KLHL29: variants seen among roughly 807,000 people sequenced by gnomAD.
KLHL29 encodes the protein kelch like family member 29.
Under a neutral mutation model 80.4 loss-of-function variants are expected in KLHL29, and 21 were observed. The observed-to-expected ratio is 0.26, with a 90% CI of 0.19 to 0.38. The LOEUF (loss-of-function observed/expected upper bound fraction) is 0.38, where lower values mean the gene tolerates loss of function less well. Ranked by LOEUF, KLHL29 falls within the 10% of genes least tolerant of loss-of-function variation. The probability of loss-of-function intolerance (pLI) is 1.00; values close to 1 mark genes in which losing one functional copy is unlikely to be tolerated. For synonymous variants in KLHL29, 511 were observed against 526.8 expected, an observed-to-expected ratio of 0.97 and a Z score of 0.41; for missense variants, 867 against 1,223.9, an observed-to-expected ratio of 0.71 and a Z score of 4.35.
intron 3 of KLHL29, among the ~76,000 whole-genome samples, chr2:23,604,317 G>T (rs571069171): frequency 2.2e-4 from 34 of 152,070 alleles, no homozygotes; most frequent in Non-Finnish European, 3.1e-4. Flanking sequence ...GGATGGTCTC[G>T]ATCTCCTGAC....
intron 2 of KLHL29, among the ~76,000 whole-genome samples, chr2:23,505,230 T>A (rs935955922): frequency 1.2e-4 from 18 of 152,308 alleles, no homozygotes; most frequent in Admixed American, 1.0e-3. Flanking sequence ...TGAGAGGAGA[T>A]CTGAGAGCCC....
intron 5 of KLHL29, among the ~76,000 whole-genome samples, chr2:23,673,163 A>G: frequency 6.6e-6 from 1 of 151,942 alleles, no homozygotes; most frequent in South Asian, 2.1e-4. Flanking sequence ...ACACATACAC[A>G]AGGGCACAGA....
intron 1 of KLHL29, among the ~76,000 whole-genome samples, chr2:23,460,914 G>A (rs898561794): frequency 2.0e-4 from 30 of 152,234 alleles, no homozygotes; most frequent in African/African-American, 5.8e-4. Context: ...CAGAGGCACC[G>A]TGACTGATAA....
intron 2 of KLHL29, among the ~76,000 whole-genome samples, chr2:23,505,464 C>A (rs1425832766): frequency 6.6e-6 from 1 of 152,234 alleles, no homozygotes; most frequent in East Asian, 1.9e-4. Flanking sequence ...TGTGCCGCTT[C>A]TCCCCTCTGT....
At chr2:23,687,093 G>A (rs114684886) in intron 6 of KLHL29, among the ~76,000 whole-genome samples, 5,871 of 152,260 alleles carry the variant, frequency 0.039, 138 homozygotes, top group Non-Finnish European at 0.05. Flanking sequence ...TGCAGTGGCC[G>A]GATTGGCCCA....
intron 2 of KLHL29, among the ~76,000 whole-genome samples, chr2:23,507,434 C>T (rs1665635296): frequency 6.6e-6 from 1 of 152,218 alleles, no homozygotes; most frequent in African/African-American, 2.4e-5. Context: ...TCACAGTGCA[C>T]GGGTGTCCTT....
chr2:23,595,877 A>T (rs1310253386), intron 3 of KLHL29, among the ~76,000 whole-genome samples: 1 of 152,194 alleles, frequency 6.6e-6, no homozygotes, highest in African/African-American at 2.4e-5. Context: ...CCACGCAAGC[A>T]GCATGCCCCT....
intron 1 of KLHL29, among the ~76,000 whole-genome samples, chr2:23,458,288 G>C (rs1297750981): frequency 6.6e-6 from 1 of 152,208 alleles, no homozygotes; most frequent in Admixed American, 6.5e-5. Flanking sequence ...ACTGGAGCTG[G>C]GCTGGCAGAC....
At chr2:23,587,486 C>G (rs1668149819) in intron 3 of KLHL29, among the ~76,000 whole-genome samples, 1 of 152,096 alleles carries the variant, frequency 6.6e-6, no homozygotes, top group Admixed American at 6.5e-5. Context: ...GCCCAGCCTC[C>G]CCCGGGCTAC....
intron 6 of KLHL29, among the ~76,000 whole-genome samples, chr2:23,688,082 G>A (rs1190516458): frequency 6.6e-6 from 1 of 152,190 alleles, no homozygotes; most frequent in Non-Finnish European, 1.5e-5. Context: ...CACCTCGGTA[G>A]AGTGGACAGG....
At chr2:23,606,035 C>G (rs1030894027) in intron 3 of KLHL29, among the ~76,000 whole-genome samples, 1 of 152,086 alleles carries the variant, frequency 6.6e-6, no homozygotes, top group Non-Finnish European at 1.5e-5. Context: ...TCCCAAAGTG[C>G]TGGGATTACA....
intron 3 of KLHL29, among the ~76,000 whole-genome samples, chr2:23,575,530 G>A (rs1459634536): frequency 6.6e-6 from 1 of 152,216 alleles, no homozygotes; most frequent in African/African-American, 2.4e-5. Flanking sequence ...ACGGCTCCAA[G>A]TGTTTTTGCC....
intron 2 of KLHL29, among the ~76,000 whole-genome samples, chr2:23,499,915 G>T (rs1466333362): frequency 6.6e-6 from 1 of 152,232 alleles, no homozygotes; most frequent in Admixed American, 6.5e-5. Context: ...GGAGTAGGAG[G>T]TGTTGGCTTT....
intron 3 of KLHL29, among the ~76,000 whole-genome samples, chr2:23,566,068 G>T (rs1037981658): frequency 6.6e-6 from 1 of 152,254 alleles, no homozygotes; most frequent in Non-Finnish European, 1.5e-5. Flanking sequence ...CCGGTGAGGT[G>T]ATGACAATTC....
intron 3 of KLHL29, among the ~76,000 whole-genome samples, chr2:23,595,868 C>G (rs1333676829): frequency 2.6e-5 from 4 of 152,192 alleles, no homozygotes; most frequent in African/African-American, 9.7e-5. Flanking sequence ...GTGAGCTCCC[C>G]ACGCAAGCAG....
chr2:23,567,396 G>C (rs2103500368), intron 3 of KLHL29, among the ~76,000 whole-genome samples: 1 of 152,346 alleles, frequency 6.6e-6, no homozygotes, highest in East Asian at 1.9e-4. Flanking sequence ...CTGGGAAGCA[G>C]AGCGACTTCG....
rs560307226 is a variant in KLHL29 at position 23,420,263 on chromosome 2, C to T, written c.-154+34483C>T. Among the ~76,000 whole-genome samples, 40 of 152,294 alleles carry T rather than the reference C, an allele frequency of 2.6e-4. 1 individual carries two copies. The South Asian group carries it at 7.9e-3, about 30-fold the overall frequency. On this transcript the variant is annotated intron_variant, in intron 1 of 13. Coordinates refer to ENST00000486442, the MANE Select transcript of KLHL29 (RefSeq NM_052920.2). Reference sequence around the variant, plus strand: ...AGCTGGAACTCGCCCACCTTGTGGCCGTCCCTCGAAGCCCTGTTTCCTCTC... The same window carrying T: ...AGCTGGAACTCGCCCACCTTGTGGCTGTCCCTCGAAGCCCTGTTTCCTCTC...
chr2:23,470,409 C>G (rs543547144), intron 1 of KLHL29, among the ~76,000 whole-genome samples: 49 of 152,352 alleles, frequency 3.2e-4, no homozygotes, highest in African/African-American at 1.1e-3. Flanking sequence ...AAAATCCAGG[C>G]TTGCTGTTCA....
At chr2:23,559,304 G>A (rs770873977) in intron 2 of KLHL29, among the ~76,000 whole-genome samples, 6 of 152,190 alleles carry the variant, frequency 3.9e-5, no homozygotes, top group East Asian at 1.9e-4. Flanking sequence ...GGGCCACCAC[G>A]AAGAGTTGGA....
Sources: allele counts gnomAD v4.1 joint callset (sites outside exome capture counted in the v4.1 genomes callset), GRCh38; gene constraint gnomAD v4.1.1; transcripts MANE v1.5; gene names NCBI Gene and HGNC (gene_info 2026-07-23, HGNC 2026-07-21).